SDK1: variants seen among roughly 807,000 people sequenced by gnomAD.
SDK1 encodes sidekick cell adhesion molecule 1.
A neutral mutation model predicts 245.5 loss-of-function variants in SDK1; 157 were observed. The ratio of observed to expected loss-of-function variants is 0.64; its 90% CI spans 0.56 to 0.73. The LOEUF (loss-of-function observed/expected upper bound fraction) is 0.73, where lower values mean the gene tolerates loss of function less well. Among genes scored for constraint, SDK1 ranks in the 30% least tolerant of loss-of-function variants. The probability of loss-of-function intolerance (pLI) is 0.00; values close to 1 mark genes in which losing one functional copy is unlikely to be tolerated. For missense variants in SDK1, 3,583 were observed against 3,002.3 expected (o/e 1.19, Z -4.52); for synonymous variants, 1,647 against 1,278.5 (o/e 1.29, Z -6.15).
intron 1 of SDK1, among the ~76,000 whole-genome samples, chr7:3,347,826 C>G (rs1242091482): frequency 1.3e-5 from 2 of 151,860 alleles, no homozygotes; most frequent in African/African-American, 4.8e-5. Flanking sequence ...TTTATTAATT[C>G]TCAGGGAATA....
chr7:3,366,765 C>T (rs955628992), intron 1 of SDK1, among the ~76,000 whole-genome samples: 2 of 151,984 alleles, frequency 1.3e-5, no homozygotes, highest in South Asian at 4.2e-4. Context: ...TATTTTGAGA[C>T]AGAGTCTTGC....
chr7:3,847,003 A>G (rs542483131), intron 5 of SDK1, among the ~76,000 whole-genome samples: 1 of 151,154 alleles, frequency 6.6e-6, no homozygotes, highest in African/African-American at 2.4e-5. Flanking sequence ...GTGCCACCCC[A>G]GTGTTCTCAG....
chr7:3,591,308 C>A (rs936078287), intron 1 of SDK1, among the ~76,000 whole-genome samples: 2 of 152,240 alleles, frequency 1.3e-5, no homozygotes, highest in East Asian at 3.9e-4. Context: ...TCCCAGTAGC[C>A]CCTTTTTAAA....
intron 4 of SDK1, among the ~76,000 whole-genome samples, chr7:3,722,621 A>G (rs1441784679): frequency 6.6e-6 from 1 of 152,162 alleles, no homozygotes; most frequent in Non-Finnish European, 1.5e-5. Flanking sequence ...AATTCCGGAC[A>G]CACGGGGTGC....
intron 4 of SDK1, among the ~76,000 whole-genome samples, chr7:3,737,028 T>C (rs1011214641): frequency 2.0e-5 from 3 of 152,194 alleles, no homozygotes; most frequent in Non-Finnish European, 4.4e-5. Flanking sequence ...ACAGTATTTG[T>C]CTCTGTCTGA....
At chr7:3,910,351 G>A (rs1335787501) in intron 5 of SDK1, among the ~76,000 whole-genome samples, 1 of 152,196 alleles carries the variant, frequency 6.6e-6, no homozygotes, top group Non-Finnish European at 1.5e-5. Flanking sequence ...ACAGTATTAT[G>A]TGTACAAAGA....
At chr7:3,516,484 C>G (rs1782755801) in intron 1 of SDK1, among the ~76,000 whole-genome samples, 1 of 152,074 alleles carries the variant, frequency 6.6e-6, no homozygotes, top group East Asian at 1.9e-4. Context: ...ACTTAAAGAG[C>G]TATTTTTTAC....
In SDK1 at chr7:4,042,001, G is replaced by T. The variant is rs949324575; in HGVS notation, c.2603-7347G>T. 2.7e-4 allele frequency among the ~76,000 whole-genome samples: 37 copies of T among 135,112 alleles called. 8 individuals carry two copies. The highest frequency in any genetic ancestry group is 1.2e-3 in the African/African-American group (35 of 29,130). The allele number at this position is 135,112 out of a possible 152,430, so 88.6% of individuals were successfully genotyped here. ...GCTAATTTTTGTGTTTTTAGTAGAG[G>T]TGGGGTTTCATCATGTTGGCCCGGA... On this transcript the variant is annotated intron_variant, in intron 17 of 44. Coordinates refer to ENST00000404826, the MANE Select transcript of SDK1 (RefSeq NM_152744.4).
intron 14 of SDK1, among the ~76,000 whole-genome samples, chr7:4,006,816 C>G (rs559425066): frequency 6.6e-6 from 1 of 152,328 alleles, no homozygotes; most frequent in Non-Finnish European, 1.5e-5. Context: ...GCAGCAGACT[C>G]TGAACCCTGA....
intron 32 of SDK1, among the ~76,000 whole-genome samples, chr7:4,168,611 C>G (rs955494704): frequency 1.3e-5 from 2 of 152,190 alleles, no homozygotes; most frequent in South Asian, 2.1e-4. Context: ...CCCTCCTCCC[C>G]CAGAAGTAAA....
intron 1 of SDK1, among the ~76,000 whole-genome samples, chr7:3,416,069 G>A (rs1480948723): frequency 6.6e-6 from 1 of 152,134 alleles, no homozygotes; most frequent in African/African-American, 2.4e-5. Flanking sequence ...AGAGGTCTTT[G>A]CTGCAAAAGT....
intron 4 of SDK1, among the ~76,000 whole-genome samples, chr7:3,794,934 TAA>T (rs147994533): frequency 1.3e-4 from 19 of 147,408 alleles, no homozygotes; most frequent in African/African-American, 4.7e-4. Context: ...GCTTTTTATT[TAA>T]AAAAAAAAAG....
At chr7:3,594,858 A>G (rs574047149) in intron 1 of SDK1, among the ~76,000 whole-genome samples, 1 of 152,238 alleles carries the variant, frequency 6.6e-6, no homozygotes, top group Non-Finnish European at 1.5e-5. Context: ...AAGCATACTT[A>G]AAGAATCATA....
intron 17 of SDK1, among the ~76,000 whole-genome samples, chr7:4,027,787 G>A (rs1406247136): frequency 6.6e-6 from 1 of 152,076 alleles, no homozygotes; most frequent in East Asian, 1.9e-4. Flanking sequence ...TCAGCAGCAG[G>A]GAAAATACCT....
intron 20 of SDK1, among the ~76,000 whole-genome samples, chr7:4,073,847 C>A (rs73302756): frequency 0.078 from 11,829 of 152,100 alleles, 1,223 homozygotes; most frequent in African/African-American, 0.24. Context: ...ACTTTTAATG[C>A]CGGTCTTGCA....
intron 1 of SDK1, among the ~76,000 whole-genome samples, chr7:3,369,835 C>A (rs182484378): frequency 1.3e-5 from 2 of 152,054 alleles, no homozygotes; most frequent in Non-Finnish European, 2.9e-5. Flanking sequence ...AGTAAATATG[C>A]GCATTTATGG....
At chr7:3,752,441 A>G (rs1430260965) in intron 4 of SDK1, among the ~76,000 whole-genome samples, 1 of 152,216 alleles carries the variant, frequency 6.6e-6, no homozygotes, top group East Asian at 1.9e-4. Flanking sequence ...TTAAATGCAA[A>G]CAAGATGAGG....
chr7:3,845,689 C>G (rs965677604), intron 5 of SDK1, among the ~76,000 whole-genome samples: 1 of 148,274 alleles, frequency 6.7e-6, no homozygotes, highest in African/African-American at 2.6e-5. Flanking sequence ...CCACGTGCTT[C>G]TCCTTTTTTT....
At chr7:3,647,546 C>G (rs574384695) in intron 4 of SDK1, among the ~76,000 whole-genome samples, 1 of 152,308 alleles carries the variant, frequency 6.6e-6, no homozygotes, top group Non-Finnish European at 1.5e-5. Flanking sequence ...CGTGCTTCAG[C>G]CTCCAGAGCA....
Sources: allele counts gnomAD v4.1 joint callset (sites outside exome capture counted in the v4.1 genomes callset), GRCh38; gene constraint gnomAD v4.1.1; transcripts MANE v1.5; gene names NCBI Gene and HGNC (gene_info 2026-07-23, HGNC 2026-07-21).